The following SH3GL1 variants were observed in gnomAD, a reference collection of about 807,000 sequenced individuals.
SH3GL1 encodes SH3 domain containing GRB2 like 1, endophilin A2.
In SH3GL1, 21 loss-of-function variants were observed where a neutral mutation model predicts 48.8. The ratio of observed to expected loss-of-function variants is 0.43; its 90% CI spans 0.30 to 0.62. The LOEUF (loss-of-function observed/expected upper bound fraction) is 0.62. Ranked by LOEUF, SH3GL1 falls within the 20% of genes least tolerant of loss-of-function variation. The pLI is 0.11. For synonymous variants in SH3GL1, 282 were observed against 217.5 expected, an observed-to-expected ratio of 1.30 and a Z score of -2.61; for missense variants, 454 against 503.0, an observed-to-expected ratio of 0.90 and a Z score of 0.93.
intron 1 of SH3GL1, among the ~76,000 whole-genome samples, chr19:4,399,262 G>A (rs1973476666): frequency 1.4e-5 from 2 of 143,762 alleles, no homozygotes; most frequent in African/African-American, 5.1e-5. Context: ...GGAGCTTGCA[G>A]TGAGCCGAGA....
intron 9 of SH3GL1, 36 bp downstream of exon 9, chr19:4,362,293 C>A: frequency 6.2e-7 from 1 of 1,600,050 alleles, no homozygotes; most frequent in Non-Finnish European, 8.5e-7. Context: ...GCCGAGAAGG[C>A]AGCACTGAGG....
rs34598075 is a variant in SH3GL1 at position 4,373,106 on chromosome 19, G to T, written c.46-6112C>A. 9.4e-3 allele frequency among the ~76,000 whole-genome samples: 1,228 copies of T among 129,990 alleles called. 11 individuals carry two copies. Among genetic ancestry groups the T allele is most frequent in the Non-Finnish European group, 0.016 (963 of 62,120 alleles). The allele number at this position is 129,990 out of a possible 152,430, so 85.3% of individuals were successfully genotyped here. ...CACATGCTCAGGGATGAGGCCAGGA[G>T]GGGGAGGGAGAGGAGCAGTGGGAGG... On this transcript the variant is annotated intron_variant, in intron 1 of 9. Transcript: ENST00000269886.
chr19:4,364,054 A>T (rs201567279), intron 5 of SH3GL1, 34 bp downstream of exon 5: 2 of 1,611,386 alleles, frequency 1.2e-6, no homozygotes, highest in Non-Finnish European at 8.5e-7. Context: ...GGCAGGGGGA[A>T]GGGACAGGCC....
chr19:4,380,228 G>A (rs531471113), intron 1 of SH3GL1: 5 of 152,530 alleles, frequency 3.3e-5, no homozygotes, highest in Admixed American at 6.5e-5. Context: ...CAAAGCCACG[G>A]TCTGGAGCCA....
At chr19:4,375,726 G>C (rs537241898) in intron 1 of SH3GL1, among the ~76,000 whole-genome samples, 6 of 152,360 alleles carry the variant, frequency 3.9e-5, no homozygotes, top group Admixed American at 3.9e-4. Flanking sequence ...CAGGAGGGCT[G>C]TGTGACATAC....
intron 1 of SH3GL1, among the ~76,000 whole-genome samples, chr19:4,393,882 C>A (rs1392638594): frequency 2.0e-5 from 3 of 151,922 alleles, no homozygotes; most frequent in Non-Finnish European, 4.4e-5. Flanking sequence ...GAAACACCAG[C>A]CATGTCCCAG....
At chr19:4,362,278 G>A (rs376520308) in intron 9 of SH3GL1, 51 bp downstream of exon 9, 57 of 1,569,246 alleles carry the variant, frequency 3.6e-5, no homozygotes, top group African/African-American at 4.0e-5. Flanking sequence ...CACCCTCCCC[G>A]AATGGCCGAG....
At chr19:4,362,087 G>T (rs1337694081) in intron 9 of SH3GL1, among the ~76,000 whole-genome samples, 1 of 152,230 alleles carries the variant, frequency 6.6e-6, no homozygotes, top group South Asian at 2.1e-4. Flanking sequence ...TCAAGCCCTT[G>T]TAGCCACCAC....
rs12327771 is a variant in SH3GL1 at position 4,389,794 on chromosome 19, C to T, written c.45+10530G>A. On this transcript the variant is annotated intron_variant, in intron 1 of 9. Transcript: ENST00000269886. This position sits in a 1 kb window ranked among gnomAD's most constrained non-coding sequence, Gnocchi z 4.5. ...AATGAGCACAAATGCCTGGCTCCGG[C>T]GGCAATGGGCTCATATTCCAGTGGC... Among the ~76,000 whole-genome samples the T allele has an allele frequency of 0.047, 7,117 of 152,256 alleles. 347 individuals carry two copies. Among genetic ancestry groups the T allele is most frequent in the African/African-American group, 0.12 (5,159 of 41,522 alleles).
rs1183085520 is a variant in SH3GL1 at position 4,393,794 on chromosome 19, A to G, written c.45+6530T>C. Among the ~76,000 whole-genome samples the G allele has an allele frequency of 7.2e-5, 11 of 152,214 alleles. 1 individual carries two copies. The South Asian group carries it at 1.9e-3, about 26-fold the overall frequency. ...GACAGAGCTAGACTCTGTCTCAAAC[A>G]AACAAAAAATTAATATTAAAATTTA... is the stretch of plus-strand genomic sequence containing the variant. On this transcript the variant is annotated intron_variant, in intron 1 of 9. Coordinates refer to ENST00000269886, the MANE Select transcript of SH3GL1 (RefSeq NM_003025.4).
At chr19:4,392,983 C>T (rs895790063) in intron 1 of SH3GL1, among the ~76,000 whole-genome samples, 2 of 152,098 alleles carry the variant, frequency 1.3e-5, no homozygotes, top group African/African-American at 2.4e-5. Context: ...ACAACCCGGG[C>T]GTGGTAGCTC....
intron 1 of SH3GL1, among the ~76,000 whole-genome samples, chr19:4,382,253 C>CTTTTTTTTT: frequency 9.8e-6 from 1 of 102,348 alleles, no homozygotes; most frequent in Non-Finnish European, 1.9e-5. Context: ...GCTCCGCTTT[C>CTTTTTTTTT]TTTTTTTTTT....
chr19:4,375,650 G>A (rs188870634), intron 1 of SH3GL1, among the ~76,000 whole-genome samples: 3 of 152,342 alleles, frequency 2.0e-5, no homozygotes, highest in Admixed American at 6.5e-5. Flanking sequence ...CAGCCCGAGC[G>A]AACACATCTA....
chr19:4,363,267 G>A (rs1291674138), intron 7 of SH3GL1, 103 bp downstream of exon 7: 5 of 882,098 alleles, frequency 5.7e-6, no homozygotes, highest in Non-Finnish European at 9.0e-6. Context: ...CCAGGATGCT[G>A]CTCTGCCATG....
At chr19:4,361,882 C>T (rs570970521) in intron 9 of SH3GL1, 86 bp from the exon 10 acceptor site, 26 of 1,004,764 alleles carry the variant, frequency 2.6e-5, no homozygotes, top group African/African-American at 9.4e-5. Context: ...TGACCTGGAG[C>T]GTGTGGGTGG....
Position 4,362,498 on chromosome 19 carries a change from C to T in SH3GL1, c.854-113G>A, listed in dbSNP as rs192183396. The T allele has an allele frequency of 4.3e-5, 67 of 1,573,580 alleles. 1 individual carries two copies. The highest frequency in any genetic ancestry group is 9.1e-5 in the South Asian group (8 of 87,670). On this transcript the variant is annotated intron_variant, in intron 8 of 9. Transcript: ENST00000269886. ...CTGCCTTGGCGGTCCAGATGGAGCA[C>T]GGCTGAGAGCTGCACCCAGGAGTCT... is the stretch of plus-strand genomic sequence containing the variant.
Position 4,367,252 on chromosome 19 carries a change from C to A in SH3GL1, c.46-258G>T, listed in dbSNP as rs1972803173. 6.6e-6 allele frequency among the ~76,000 whole-genome samples: 1 copy of A among 152,168 alleles called. No homozygotes were observed. Among genetic ancestry groups the A allele is most frequent in the African/African-American group, 2.4e-5 (1 of 41,452 alleles). ...GTGTGTCCCGACTGCCACTCACATA[C>A]CCACTGGGGACCCTGCCACAGTAGG... On this transcript the variant is annotated intron_variant, in intron 1 of 9. Transcript: ENST00000269886. This position sits in a 1 kb window ranked among gnomAD's most constrained non-coding sequence, Gnocchi z 4.2.
chr19:4,400,127 T>C lies in SH3GL1; in HGVS notation c.45+197A>G, dbSNP rs1363823425. Among the ~76,000 whole-genome samples, 2 of 152,122 alleles carry C rather than the reference T, an allele frequency of 1.3e-5. No homozygotes were observed. Among genetic ancestry groups the C allele is most frequent in the Admixed American group, 1.3e-4 (2 of 15,284 alleles). ...CTCCCAGGGGCTCTGTCCCCGCTTC[T>C]GGAGCCCGCATGGCGGGCAGGGCCT... On this transcript the variant is annotated intron_variant, in intron 1 of 9. Coordinates refer to ENST00000269886, the MANE Select transcript of SH3GL1 (RefSeq NM_003025.4). This position sits in a 1 kb window ranked among gnomAD's most constrained non-coding sequence, Gnocchi z 4.1.
chr19:4,383,261 C>G (rs895980320), intron 1 of SH3GL1, among the ~76,000 whole-genome samples: 2 of 150,718 alleles, frequency 1.3e-5, no homozygotes, highest in African/African-American at 4.9e-5. Flanking sequence ...GTCACCCAGG[C>G]TAGAGTGCAG....
Sources: allele counts gnomAD v4.1 joint callset (sites outside exome capture counted in the v4.1 genomes callset), GRCh38; gene constraint gnomAD v4.1.1; non-coding constraint Gnocchi (gnomAD v3.1); transcripts MANE v1.5; gene names NCBI Gene and HGNC (gene_info 2026-07-23, HGNC 2026-07-21).